TRIM44: variants seen among roughly 807,000 people sequenced by gnomAD.
The protein encoded by TRIM44 is tripartite motif containing 44, also known as tripartite motif-containing protein 44.
TRIM44 carries 13 observed loss-of-function variants against 37.4 expected under a neutral mutation model. The observed-to-expected ratio is 0.35, with a 90% CI of 0.23 to 0.55. The LOEUF (loss-of-function observed/expected upper bound fraction) is 0.55. TRIM44 is among the 20% of genes least tolerant of loss of function. The pLI is 0.89. For synonymous variants in TRIM44, 175 were observed against 157.2 expected, an observed-to-expected ratio of 1.11 and a Z score of -0.85; for missense variants, 426 against 437.2, an observed-to-expected ratio of 0.97 and a Z score of 0.23.
chr11:35,787,963 C>A (rs116014285), intron 4 of TRIM44, among the ~76,000 whole-genome samples: 9 of 152,226 alleles, frequency 5.9e-5, no homozygotes, highest in African/African-American at 2.2e-4. Context: ...GCCACTCCCC[C>A]CTTCCTCACC....
intron 2 of TRIM44, among the ~76,000 whole-genome samples, chr11:35,713,499 A>G (rs545913338): frequency 7.7e-4 from 100 of 129,462 alleles, no homozygotes; most frequent in Middle Eastern, 4.2e-3. Flanking sequence ...TGAATATGAC[A>G]TGCTTTTTTT....
At chr11:35,668,677 C>T (rs530148135) in intron 1 of TRIM44, among the ~76,000 whole-genome samples, 10 of 152,306 alleles carry the variant, frequency 6.6e-5, no homozygotes, top group African/African-American at 1.9e-4. Flanking sequence ...TGAACATACA[C>T]GTGCGTGTAT....
At chr11:35,771,842 A>C (rs1386508120) in intron 4 of TRIM44, among the ~76,000 whole-genome samples, 1 of 152,180 alleles carries the variant, frequency 6.6e-6, no homozygotes. Context: ...CTGAGGAGAA[A>C]TTCAAGCCGT....
At chr11:35,693,119 C>G (rs1040607685) in intron 2 of TRIM44, among the ~76,000 whole-genome samples, 2 of 152,116 alleles carry the variant, frequency 1.3e-5, no homozygotes, top group Non-Finnish European at 2.9e-5. Context: ...TACAGAAATA[C>G]TGGTTGAAGT....
intron 1 of TRIM44, among the ~76,000 whole-genome samples, chr11:35,671,244 A>G (rs974067679): frequency 6.6e-6 from 1 of 152,226 alleles, no homozygotes; most frequent in Non-Finnish European, 1.5e-5. Flanking sequence ...GAAAAGTAAA[A>G]CATAATACAG....
At chr11:35,781,894 T>G (rs1853070255) in intron 4 of TRIM44, among the ~76,000 whole-genome samples, 1 of 152,220 alleles carries the variant, frequency 6.6e-6, no homozygotes, top group African/African-American at 2.4e-5. Flanking sequence ...AAGCTGTTTG[T>G]AGTGTTTTAA....
chr11:35,749,564 A>T (rs948890646), intron 4 of TRIM44, among the ~76,000 whole-genome samples: 8 of 152,230 alleles, frequency 5.3e-5, no homozygotes, highest in African/African-American at 1.9e-4. Flanking sequence ...ACACACCTGT[A>T]ATCCCACCTA....
intron 4 of TRIM44, among the ~76,000 whole-genome samples, chr11:35,771,437 T>C (rs756535433): frequency 9.9e-5 from 15 of 152,250 alleles, no homozygotes; most frequent in Non-Finnish European, 1.8e-4. Context: ...TAAAAGCATT[T>C]AGTTTTGGAT....
intron 2 of TRIM44, among the ~76,000 whole-genome samples, chr11:35,725,110 C>T (rs1396503189): frequency 6.7e-6 from 1 of 148,934 alleles, no homozygotes; most frequent in Non-Finnish European, 1.5e-5. Context: ...ACACACCCTC[C>T]ATCTCCATAT....
chr11:35,796,225 TGC>T (rs920412798), intron 4 of TRIM44, among the ~76,000 whole-genome samples: 1 of 150,962 alleles, frequency 6.6e-6, no homozygotes, highest in Non-Finnish European at 1.5e-5. Flanking sequence ...TGTGTGTGTG[TGC>T]GCGCGCGCAC....
chr11:35,700,508 A>G (rs139206522), intron 2 of TRIM44, among the ~76,000 whole-genome samples: 3 of 152,346 alleles, frequency 2.0e-5, no homozygotes, highest in African/African-American at 7.2e-5. Context: ...AGTCTCAATC[A>G]TATGTTATAA....
Position 35,771,731 on chromosome 11 carries a change from GAA to G in TRIM44, c.1008-34614_1008-34613del, listed in dbSNP as rs67692890. The stretch of plus-strand genomic sequence containing the variant: ...GAGAGCGAGACTCTGTCTCAAAAAA[GAA>G]AAAAAAAAAAAAGCATTTAGTTTTA... On this transcript the variant is annotated intron_variant, in intron 4 of 4. Transcript: ENST00000299413. Among the ~76,000 whole-genome samples the G allele has an allele frequency of 6.5e-3, 831 of 128,582 alleles. 10 individuals carry two copies. Among genetic ancestry groups the G allele is most frequent in the African/African-American group, 0.021 (723 of 34,832 alleles). 84.4% of individuals were successfully genotyped at this position (128,582 alleles called of 152,430 possible). A position where few individuals can be genotyped will look rare whatever the true frequency, so the allele number is the denominator to read the frequency against.
intron 4 of TRIM44, among the ~76,000 whole-genome samples, chr11:35,795,375 C>T (rs1052796217): frequency 2.0e-5 from 3 of 151,858 alleles, no homozygotes; most frequent in Non-Finnish European, 4.4e-5. Flanking sequence ...GAAGACTAGT[C>T]AAGAAGCAAC....
At chr11:35,768,083 G>A (rs549934218) in intron 4 of TRIM44, among the ~76,000 whole-genome samples, 63 of 152,282 alleles carry the variant, frequency 4.1e-4, no homozygotes, top group African/African-American at 1.4e-3. Context: ...AAGGCATAGC[G>A]GACTAAAGGC....
chr11:35,783,802 G>A (rs1223705871), intron 4 of TRIM44, among the ~76,000 whole-genome samples: 1 of 152,200 alleles, frequency 6.6e-6, no homozygotes, highest in Non-Finnish European at 1.5e-5. Flanking sequence ...GTGCAAGCAG[G>A]TTTCTTTGTG....
intron 2 of TRIM44, among the ~76,000 whole-genome samples, chr11:35,699,045 C>G (rs1226099463): frequency 6.8e-6 from 1 of 147,546 alleles, no homozygotes; most frequent in East Asian, 2.0e-4. Flanking sequence ...ATAGGGAATC[C>G]TTTCCCCATC....
intron 4 of TRIM44, among the ~76,000 whole-genome samples, chr11:35,768,698 G>C (rs1852828368): frequency 6.6e-6 from 1 of 152,142 alleles, no homozygotes; most frequent in East Asian, 1.9e-4. Flanking sequence ...TTTCTCCCAT[G>C]GTGACCTAGT....
At chr11:35,756,917 A>G (rs1321523073) in intron 4 of TRIM44, among the ~76,000 whole-genome samples, 1 of 152,148 alleles carries the variant, frequency 6.6e-6, no homozygotes, top group Non-Finnish European at 1.5e-5. Context: ...CCAGTATTTT[A>G]TTGAGGATTT....
chr11:35,735,417 G>T lies in TRIM44; in HGVS notation c.988-9G>T. On this transcript the variant is annotated splice_polypyrimidine_tract_variant and intron_variant, in intron 3 of 4. Transcript: ENST00000299413. Reference sequence around the variant, plus strand: ...TTTCTAATACTGTTTCTTTCTGTTTGTCTTTCAGGGCGATGAGGAAGGACC... The same window carrying T: ...TTTCTAATACTGTTTCTTTCTGTTTTTCTTTCAGGGCGATGAGGAAGGACC... 3 of 1,613,608 alleles carry T rather than the reference G, an allele frequency of 1.9e-6. No homozygotes were observed. Among genetic ancestry groups the T allele is most frequent in the Non-Finnish European group, 2.5e-6 (3 of 1,179,624 alleles).
Sources: gnomAD v4.1 joint callset for allele counts (sites outside exome capture counted in the v4.1 genomes callset) on GRCh38, gnomAD v4.1.1 for gene constraint, MANE v1.5 for transcripts, NCBI Gene and HGNC (gene_info 2026-07-23, HGNC 2026-07-21) for gene names.